ERBB4: variants seen among roughly 807,000 people sequenced by gnomAD.
ERBB4 encodes the protein receptor tyrosine-protein kinase erbB-4.
A neutral mutation model predicts 158.0 loss-of-function variants in ERBB4; 42 were observed. The observed-to-expected ratio is 0.27, with a 90% confidence interval of 0.21 to 0.34. The LOEUF (loss-of-function observed/expected upper bound fraction) is 0.34. ERBB4 is among the 10% of genes least tolerant of loss of function. ERBB4 has a pLI of 1.00. For missense variants in ERBB4, 1,333 were observed against 1,624.1 expected (o/e 0.82, Z 3.08); for synonymous variants, 583 against 558.7 (o/e 1.04, Z -0.61).
chr2:211,965,904 G>A (rs1559204371), intron 2 of ERBB4, among the ~76,000 whole-genome samples: 1 of 152,150 alleles, frequency 6.6e-6, no homozygotes, highest in East Asian at 1.9e-4. Flanking sequence ...AGAAATGTAT[G>A]TCAATTTTTA....
chr2:212,125,695 T>C lies in ERBB4; in HGVS notation c.83-792A>G, dbSNP rs2079902781. 2.6e-5 allele frequency among the ~76,000 whole-genome samples: 4 copies of C among 152,236 alleles called. No homozygotes were observed. In the South Asian group the frequency reaches 8.3e-4, roughly 31 times the overall value. ...TTTGGTTTTCTGTTCCTGCTTTAGT[T>C]TGCTAAGGATAATAGCTTCTAGCTC... On this transcript the variant is annotated intron_variant, in intron 1 of 27. Transcript: ENST00000342788.
intron 3 of ERBB4, among the ~76,000 whole-genome samples, chr2:211,873,304 T>C (rs1274020346): frequency 6.6e-6 from 1 of 152,134 alleles, no homozygotes; most frequent in Non-Finnish European, 1.5e-5. Flanking sequence ...CGTGTAGTCA[T>C]CTACTTTTCT....
intron 5 of ERBB4, among the ~76,000 whole-genome samples, chr2:211,726,321 A>T (rs2074266526): frequency 6.6e-6 from 1 of 152,112 alleles, no homozygotes; most frequent in Non-Finnish European, 1.5e-5. Context: ...TCTACCAGTA[A>T]ATGACTTTCA....
intron 20 of ERBB4, among the ~76,000 whole-genome samples, chr2:211,447,054 T>G (rs563987305): frequency 1.3e-5 from 2 of 152,294 alleles, no homozygotes; most frequent in African/African-American, 4.8e-5. Context: ...TAAATGGATT[T>G]AATGAAACCA....
intron 1 of ERBB4, among the ~76,000 whole-genome samples, chr2:212,299,537 C>G (rs2086543480): frequency 6.6e-6 from 1 of 151,564 alleles, no homozygotes; most frequent in Non-Finnish European, 1.5e-5. Flanking sequence ...AGGAACTGTC[C>G]TAGGTGCTGT....
intron 9 of ERBB4, among the ~76,000 whole-genome samples, chr2:211,709,441 T>C (rs189490119): frequency 3.3e-5 from 5 of 151,870 alleles, no homozygotes; most frequent in Admixed American, 3.3e-4. Context: ...TTTCTACCCA[T>C]GTTTTATCTG....
intron 25 of ERBB4, among the ~76,000 whole-genome samples, chr2:211,399,471 G>A (rs1349288225): frequency 6.6e-6 from 1 of 152,132 alleles, no homozygotes; most frequent in Non-Finnish European, 1.5e-5. Flanking sequence ...TAGCATCCCT[G>A]ATATTATATA....
chr2:211,491,671 A>G (rs986948744), intron 20 of ERBB4, among the ~76,000 whole-genome samples: 2 of 152,078 alleles, frequency 1.3e-5, no homozygotes, highest in African/African-American at 4.8e-5. Context: ...TAGGAAGTAA[A>G]TTTAAAACAA....
intron 1 of ERBB4, among the ~76,000 whole-genome samples, chr2:212,189,996 T>C (rs565663529): frequency 6.6e-6 from 1 of 152,310 alleles, no homozygotes; most frequent in African/African-American, 2.4e-5. Context: ...AAAACACACC[T>C]TTTTATAATA....
intron 1 of ERBB4, among the ~76,000 whole-genome samples, chr2:212,163,159 T>C (rs1253586188): frequency 6.6e-6 from 1 of 151,980 alleles, no homozygotes; most frequent in Non-Finnish European, 1.5e-5. Flanking sequence ...GTCCATCAAA[T>C]TTAATATCAA....
At chr2:212,046,512 T>C (rs73069215) in intron 2 of ERBB4, among the ~76,000 whole-genome samples, 3,326 of 152,326 alleles carry the variant, frequency 0.022, 41 homozygotes, top group African/African-American at 0.035. Flanking sequence ...ATCACTCCCA[T>C]ATGAGTTTCC....
At chr2:212,090,767 A>G (rs1003490895) in intron 2 of ERBB4, among the ~76,000 whole-genome samples, 1 of 152,194 alleles carries the variant, frequency 6.6e-6, no homozygotes, top group African/African-American at 2.4e-5. Flanking sequence ...GCCTTCATCA[A>G]CATGTCAGCT....
At chr2:212,458,200 G>A (rs1336964042) in intron 1 of ERBB4, among the ~76,000 whole-genome samples, 1 of 151,722 alleles carries the variant, frequency 6.6e-6, no homozygotes, top group South Asian at 2.1e-4. Context: ...TGGAGCAGGA[G>A]AGAATGATTA....
At chr2:211,673,118 C>T (rs2105938521) in intron 14 of ERBB4, 46 bp downstream of exon 14, 1 of 1,295,858 alleles carries the variant, frequency 7.7e-7, no homozygotes, top group South Asian at 1.2e-5. Flanking sequence ...AACATTCATA[C>T]ATGATACTAA....
chr2:212,250,402 G>A (rs1220049804), intron 1 of ERBB4, among the ~76,000 whole-genome samples: 1 of 151,826 alleles, frequency 6.6e-6, no homozygotes, highest in African/African-American at 2.4e-5. Flanking sequence ...ACTGTTACAA[G>A]TATAAGGTGT....
At chr2:212,067,745 CT>C (rs2077987103) in intron 2 of ERBB4, among the ~76,000 whole-genome samples, 1 of 151,984 alleles carries the variant, frequency 6.6e-6, no homozygotes, top group Admixed American at 6.6e-5. Flanking sequence ...TGAGACATCC[CT>C]CCTCTTAATT....
At position 211,940,633 on chromosome 2, in the gene ERBB4, T is replaced by C. The variant is rs570645207; in HGVS notation, c.421+6797A>G. Among the ~76,000 whole-genome samples the C allele has an allele frequency of 6.6e-5, 10 of 152,042 alleles. No individual in the cohort carries two copies. The South Asian group carries it at 1.9e-3, about 29-fold the overall frequency. Reference sequence around the variant, plus strand: ...TGTTCTTCAAAGAGTGAGGCATCTTTAAGATTCCTGAAGGGGTCATAAATT... The same window carrying C: ...TGTTCTTCAAAGAGTGAGGCATCTTCAAGATTCCTGAAGGGGTCATAAATT... On this transcript the variant is annotated intron_variant, in intron 3 of 27. Coordinates refer to ENST00000342788, the MANE Select transcript of ERBB4 (RefSeq NM_005235.3).
At chr2:212,501,635 G>A (rs1459161054) in intron 1 of ERBB4, among the ~76,000 whole-genome samples, 1 of 152,092 alleles carries the variant, frequency 6.6e-6, no homozygotes, top group Non-Finnish European at 1.5e-5. Flanking sequence ...TACCTGTCTT[G>A]AAATATTTGC....
chr2:212,186,428 T>C (rs2082018688), intron 1 of ERBB4, among the ~76,000 whole-genome samples: 1 of 152,222 alleles, frequency 6.6e-6, no homozygotes, highest in Admixed American at 6.5e-5. Context: ...TTCATTAAAC[T>C]TGGCTAATTT....
Sources: allele counts gnomAD v4.1 joint callset (sites outside exome capture counted in the v4.1 genomes callset), GRCh38; gene constraint gnomAD v4.1.1; transcripts MANE v1.5; gene names NCBI Gene and HGNC (gene_info 2026-07-23, HGNC 2026-07-21).